STXBP2: variants seen among roughly 807,000 people sequenced by gnomAD.
STXBP2 encodes syntaxin-binding protein 2.
In STXBP2, 47 loss-of-function variants were observed where a neutral mutation model predicts 72.2. That is an observed-to-expected ratio of 0.65 (90% CI 0.51 to 0.83). STXBP2 has a LOEUF of 0.83. STXBP2 is among the 40% of genes least tolerant of loss of function. STXBP2 has a pLI of 0.00. For missense variants in STXBP2, 702 were observed against 807.6 expected (o/e 0.87, Z 1.58); for synonymous variants, 367 against 338.7 (o/e 1.08, Z -0.92).
In STXBP2 at chr19:7,647,411, C is replaced by T. The variant is rs780295861; in HGVS notation, c.1596C>T (p.Pro532=). The part of the protein sequence containing the change: ...NKAGIEARAG[P]RLIVYVMGGV... ...CTGGCATAGAAGCCCGGGCGGGCCCCCGGCTCATCGTGTATGTCATGGGCG... is the reference window on the plus strand; with the variant it reads ...CTGGCATAGAAGCCCGGGCGGGCCCTCGGCTCATCGTGTATGTCATGGGCG... The change falls in exon 18 of 19, where the codon CCC becomes CCT. Residue 532 remains proline (P), a synonymous_variant. Transcript: ENST00000221283. 6.8e-6 allele frequency: 11 copies of T among 1,613,568 alleles called. No individual in the cohort carries two copies. Among genetic ancestry groups the T allele is most frequent in the Non-Finnish European group, 9.3e-6 (11 of 1,179,972 alleles).
rs756948868 is a variant in STXBP2, at chr19:7,644,703, C to T, written c.1197C>T (p.Pro399=). The change falls in exon 14 of 19, where the codon CCC becomes CCT. Residue 399 remains proline, a synonymous_variant. Transcript: ENST00000221283. ...CGGTGCTGCTGGACGCGGCGGTGCC[C>T]GCCTACGACAAGATCCGGGTCCTGC... The part of the protein sequence containing the change: ...IVPVLLDAAV[P]AYDKIRVLLL... 8.7e-6 allele frequency: 14 copies of T among 1,613,748 alleles called. No individual in the cohort carries two copies. Among genetic ancestry groups the T allele is most frequent in the Admixed American group, 5.0e-5 (3 of 60,002 alleles).
At chr19:7,632,930 G>A (rs528333042), upstream of STXBP2, 87 of 1,493,628 alleles carry the variant, frequency 5.8e-5, no homozygotes, top group Non-Finnish European at 6.9e-5. This position sits in a 1 kb window ranked among gnomAD's most constrained non-coding sequence, Gnocchi z 5.2. Context: ...GGGGCCTGCC[G>A]TCCCCACTTC....
chr19:7,642,144 G>A lies in STXBP2; in HGVS notation c.663+26G>A. On this transcript the variant is annotated intron_variant, in intron 8 of 18. Coordinates refer to ENST00000221283, the MANE Select transcript of STXBP2 (RefSeq NM_006949.4). The surrounding 1 kb of genome is among the most constrained non-coding windows in gnomAD (Gnocchi z 6.0). ...GTGAGGGGGCGTGCTTGGGAGGTGA[G>A]GGGCAGCCCCAACCGGCTCAGGGTC... 1.2e-6 allele frequency: 2 copies of A among 1,614,062 alleles called. No individual in the cohort carries two copies. The highest frequency in any genetic ancestry group is 1.7e-6 in the Non-Finnish European group (2 of 1,179,988).
chr19:7,638,234 A>G (rs557373901), intron 1 of STXBP2, among the ~76,000 whole-genome samples: 1 of 152,376 alleles, frequency 6.6e-6, no homozygotes, highest in Non-Finnish European at 1.5e-5. Context: ...GGTGAGTTAC[A>G]TGTTGCCTAA....
upstream of STXBP2, chr19:7,636,988 A>C (rs2031559929): frequency 6.9e-5 from 47 of 683,582 alleles, no homozygotes; most frequent in East Asian, 7.6e-5. Context: ...CCCGCCAGGG[A>C]CTCAACTTCC....
chr19:7,637,074 C>T (rs2031567053), upstream of STXBP2: 1 of 1,228,662 alleles, frequency 8.1e-7, no homozygotes, highest in Non-Finnish European at 1.0e-6. Context: ...GGGGCGGGGT[C>T]CACGTGGGTG....
chr19:7,643,747 GAGGTGGGACCTGGGTGAGGGGTGGAA>G (rs2031997015), intron 13 of STXBP2, among the ~76,000 whole-genome samples: 2 of 151,554 alleles, frequency 1.3e-5, no homozygotes, highest in African/African-American at 2.4e-5. Flanking sequence ...GAGCCTTGGA[GAGGTGGGACCTGGGTGAGGGGTGGAA>G]CCTTGGAGAG....
At chr19:7,640,154 A>ATG in intron 4 of STXBP2, 1 of 513,858 alleles carries the variant, frequency 1.9e-6, no homozygotes, top group Non-Finnish European at 3.6e-6. Flanking sequence ...ATCTGTGTGC[A>ATG]TCTGTATGTG....
intron 15 of STXBP2, 170 bp downstream of exon 15, chr19:7,645,476 CTG>C: frequency 1.6e-6 from 1 of 623,322 alleles, no homozygotes; most frequent in Non-Finnish European, 2.8e-6. Flanking sequence ...CCAGAGGACA[CTG>C]GGGCCTCTCC....
chr19:7,639,878 A>G (rs939608292), intron 4 of STXBP2, 71 bp downstream of exon 4: 2 of 1,512,034 alleles, frequency 1.3e-6, no homozygotes, highest in Non-Finnish European at 1.8e-6. Flanking sequence ...GTATGTCTGC[A>G]TGCATGTGAT....
rs770595686 is a variant in STXBP2 at position 7,647,719 on chromosome 19, G to T, written c.1697-6G>T. 3 of 1,613,998 alleles carry T rather than the reference G, an allele frequency of 1.9e-6. No homozygotes were observed. The highest frequency in any genetic ancestry group is 1.3e-5 in the African/African-American group (1 of 74,998). ...ACATCTTCCCCAAACCTCTGCCCCT[G>T]CACAGGCTCCTCACACATCCTCACC... On this transcript the variant is annotated splice_region_variant and splice_polypyrimidine_tract_variant and intron_variant, in intron 18 of 18. Transcript: ENST00000221283.
At position 7,640,741 on chromosome 19, in the gene STXBP2, C is replaced by T; in HGVS notation, c.257C>T (p.Ala86Val). The T allele has an allele frequency of 6.2e-7, 1 of 1,614,192 alleles. No individual in the cohort carries two copies. Among genetic ancestry groups the T allele is most frequent in the Non-Finnish European group, 8.5e-7 (1 of 1,180,004 alleles). The change falls in exon 5 of 19, where the codon GCC becomes GTC. Residue 86 changes from alanine (A) to valine (V), a missense_variant. Transcript: ENST00000221283. ...LLSPTEKSVQ[A>V]LIKDFQGTPT... Reference sequence around the variant, plus strand: ...ATCCACCTTCCCCAGTCGGTTCAGGCCCTGATCAAAGACTTCCAGGGGACC... The same window carrying T: ...ATCCACCTTCCCCAGTCGGTTCAGGTCCTGATCAAAGACTTCCAGGGGACC...
Position 7,641,860 on chromosome 19 carries a change from A to ACCCCCCCCCCCCCCCCC in STXBP2, c.578+11_578+12insCCCCCCCCCCCCCCCCC. 3.9e-6 allele frequency: 6 copies of ACCCCCCCCCCCCCCCCC among 1,549,022 alleles called. No homozygotes were observed. Among genetic ancestry groups the ACCCCCCCCCCCCCCCCC allele is most frequent in the East Asian group, 2.5e-5 (1 of 40,690 alleles). On this transcript the variant is annotated splice_region_variant and intron_variant, in intron 7 of 18. Transcript: ENST00000221283. The stretch of plus-strand genomic sequence containing the variant: ...CGGCCATCCGCTACCGCAAGTGGGG[A>ACCCCCCCCCCCCCCCCC]CCCCACCCAGCCCCACCCCGATGCC...
At chr19:7,646,091 C>G in intron 15 of STXBP2, 158 bp from the exon 16 acceptor site, 1 of 638,822 alleles carries the variant, frequency 1.6e-6, no homozygotes, top group South Asian at 1.8e-5. Flanking sequence ...GTTTCTCTCT[C>G]TCGCTTTCTT....
rs751383706 is a variant in STXBP2 at position 7,639,762 on chromosome 19, C to T, written c.201C>T (p.Pro67=). The change falls in exon 4 of 19, where the codon CCC becomes CCT. Residue 67 remains proline (P), a synonymous_variant. Transcript: ENST00000221283. ...AAGACATCAACAAACGGCGGGAACC[C>T]ATTCCCAGTCTGGAGGCCATTTATT... ...IVEDINKRRE[P]IPSLEAIYLL... The T allele has an allele frequency of 6.2e-7, 1 of 1,613,610 alleles. No homozygotes were observed. The highest frequency in any genetic ancestry group is 1.3e-5 in the African/African-American group (1 of 74,896).
Position 7,643,015 on chromosome 19 carries a change from A to G in STXBP2, c.993A>G (p.Lys331=), listed in dbSNP as rs1371150357. ...TCAAAGACCTATCCCAGATCCTGAAAAAGATGCCGCAGTACCAGAAGGAGC... is the reference window on the plus strand; with the variant it reads ...TCAAAGACCTATCCCAGATCCTGAAGAAGATGCCGCAGTACCAGAAGGAGC... ...ANIKDLSQIL[K]KMPQYQKELN... is the part of the protein sequence containing the mutation. Residue 331 remains lysine (K), a synonymous_variant, in exon 12 of 19, where the codon AAA becomes AAG. Transcript: ENST00000221283. 6.2e-7 allele frequency: 1 copy of G among 1,614,142 alleles called. No individual in the cohort carries two copies. Among genetic ancestry groups the G allele is most frequent in the Admixed American group, 1.7e-5 (1 of 60,020 alleles).
chr19:7,642,825 TA>T lies in STXBP2; in HGVS notation c.960+3del. On this transcript the variant is annotated splice_donor_region_variant and intron_variant, in intron 11 of 18. Coordinates refer to ENST00000221283, the MANE Select transcript of STXBP2 (RefSeq NM_006949.4). This position sits in a 1 kb window ranked among gnomAD's most constrained non-coding sequence, Gnocchi z 6.0. Reference sequence around the variant, plus strand: ...AGCAAGAGGCTGACCACGGACAAGGTAGGGGCGGACCCAGGTCACCAAAGGC... The same window carrying T: ...AGCAAGAGGCTGACCACGGACAAGGTGGGGCGGACCCAGGTCACCAAAGGC... The T allele has an allele frequency of 6.2e-7, 1 of 1,613,780 alleles. No homozygotes were observed. Among genetic ancestry groups the T allele is most frequent in the Non-Finnish European group, 8.5e-7 (1 of 1,179,954 alleles).
chr19:7,645,877 G>T, intron 15 of STXBP2: 1 of 390,680 alleles, frequency 2.6e-6, no homozygotes, highest in Non-Finnish European at 4.6e-6. Context: ...TCTGTTCTCT[G>T]TCTTGCTCCC....
chr19:7,637,154 C>A lies in STXBP2; in HGVS notation c.5C>A (p.Ala2Glu). The change falls in exon 1 of 19, where the codon GCG becomes GAG. Residue 2 changes from alanine to glutamate, a missense_variant. Physicochemically the swap from Ala to Glu is moderately radical, Grantham distance 107 (BLOSUM62 -1). Coordinates refer to ENST00000221283, the MANE Select transcript of STXBP2 (RefSeq NM_006949.4). ...CGGCGGCGCCCCTCGGGGAAGATGG[C>A]GCCCTCGGGGCTGAAGGCGGTGGTG... M[A>E]PSGLKAVVGE... 2 of 1,241,264 alleles carry A rather than the reference C, an allele frequency of 1.6e-6. No individual in the cohort carries two copies. The highest frequency in any genetic ancestry group is 2.0e-6 in the Non-Finnish European group (2 of 988,118). 76.9% of individuals were successfully genotyped at this position (1,241,264 alleles called of 1,614,324 possible).
Sources: gnomAD v4.1 joint callset for allele counts (sites outside exome capture counted in the v4.1 genomes callset) on GRCh38, gnomAD v4.1.1 for gene constraint, Gnocchi (gnomAD v3.1) non-coding constraint, MANE v1.5 for transcripts, NCBI Gene and HGNC (gene_info 2026-07-23, HGNC 2026-07-21) for gene names.